FBXO47: variants seen among roughly 807,000 people sequenced by gnomAD.
FBXO47 encodes the protein F-box protein 47, also known as F-box only protein 47.
In FBXO47, 34 loss-of-function variants were observed where a neutral mutation model predicts 53.9. The ratio of observed to expected loss-of-function variants is 0.63; its 90% CI spans 0.48 to 0.84. The LOEUF is 0.84. FBXO47 is among the 40% of genes least tolerant of loss of function. The pLI is 0.00. For missense variants in FBXO47, 485 were observed against 541.3 expected (o/e 0.90, Z 1.03); for synonymous variants, 165 against 181.6 (o/e 0.91, Z 0.73).
chr17:38,938,645 T>G lies in FBXO47; in HGVS notation c.1171A>C (p.Lys391Gln). ...TTTGCCACATTCTGCAGGAAGTTCT[T>G]TCTTTCCACTGGAGTGCTAAAGACT... is the stretch of plus-strand genomic sequence containing the variant. The part of the protein sequence containing the change: ...CKVFSTPVER[K>Q]NFLQNVANAF... Residue 391 changes from lysine to glutamine, a missense_variant, in exon 10 of 11, where the codon AAG (lysine) becomes CAG (glutamine). By Grantham distance (53) the Lys-to-Gln change is moderately conservative (BLOSUM62 1). Coordinates refer to ENST00000378079, the MANE Select transcript of FBXO47 (RefSeq NM_001008777.3). 1 of 1,613,896 alleles carries G rather than the reference T, an allele frequency of 6.2e-7. No homozygotes were observed. The highest frequency in any genetic ancestry group is 8.5e-7 in the Non-Finnish European group (1 of 1,179,850).
intron 9 of FBXO47, among the ~76,000 whole-genome samples, chr17:38,942,365 C>A (rs148397590): frequency 1.1e-4 from 17 of 152,082 alleles, no homozygotes; most frequent in Non-Finnish European, 2.1e-4. Context: ...GAGGCCAAGG[C>A]GGGCAGATCA....
At chr17:38,959,509 G>A (rs1905713760) in intron 3 of FBXO47, among the ~76,000 whole-genome samples, 1 of 149,922 alleles carries the variant, frequency 6.7e-6, no homozygotes, top group Non-Finnish European at 1.5e-5. Context: ...GAACCCAGGA[G>A]GCAGAGGTTG....
At chr17:38,959,067 C>T (rs1905689927) in intron 3 of FBXO47, among the ~76,000 whole-genome samples, 1 of 151,324 alleles carries the variant, frequency 6.6e-6, no homozygotes, top group Non-Finnish European at 1.5e-5. Context: ...TGCATCCAGC[C>T]TTATTTTGGT....
In FBXO47 at chr17:38,959,525, A is replaced by T. The variant is rs551468741; in HGVS notation, c.353-2272T>A. On this transcript the variant is annotated intron_variant, in intron 3 of 10. Transcript: ENST00000378079. Reference sequence around the variant, plus strand: ...AACCCAGGAGGCAGAGGTTGCAGTGAGCCGAGGCTGTGCCATTGCACTCCA... The same window carrying T: ...AACCCAGGAGGCAGAGGTTGCAGTGTGCCGAGGCTGTGCCATTGCACTCCA... Among the ~76,000 whole-genome samples, 366 of 141,384 alleles carry T rather than the reference A, an allele frequency of 2.6e-3. 1 individual carries two copies. The highest frequency in any genetic ancestry group is 8.9e-3 in the African/African-American group (336 of 37,592). The allele number at this position is 141,384 out of a possible 152,430, so 92.8% of individuals were successfully genotyped here.
intron 3 of FBXO47, among the ~76,000 whole-genome samples, chr17:38,961,310 C>T (rs1214819745): frequency 1.3e-5 from 2 of 152,132 alleles, no homozygotes; most frequent in African/African-American, 2.4e-5. Context: ...AATTTTACTT[C>T]AGCACTCTCT....
At chr17:38,945,752 C>T (rs554164841) in intron 6 of FBXO47, among the ~76,000 whole-genome samples, 80 of 151,398 alleles carry the variant, frequency 5.3e-4, no homozygotes, top group African/African-American at 1.7e-3. Context: ...CTGGCTAACA[C>T]GGTGAAACCC....
intron 4 of FBXO47, among the ~76,000 whole-genome samples, chr17:38,955,671 G>C (rs985593890): frequency 1.3e-5 from 2 of 151,260 alleles, no homozygotes; most frequent in African/African-American, 4.9e-5. Context: ...AAAACCTTTT[G>C]CCGGTTTAGT....
At chr17:38,964,225 G>A (rs1004074726) in intron 1 of FBXO47, among the ~76,000 whole-genome samples, 1 of 152,074 alleles carries the variant, frequency 6.6e-6, no homozygotes, top group Admixed American at 6.6e-5. Context: ...TTTGGGAGGC[G>A]GAGGTGGGTG....
At chr17:38,945,705 G>A (rs966299762) in intron 6 of FBXO47, among the ~76,000 whole-genome samples, 1 of 151,818 alleles carries the variant, frequency 6.6e-6, no homozygotes, top group Non-Finnish European at 1.5e-5. Flanking sequence ...GGGAGGCTGA[G>A]GCGGGCAGAT....
intron 6 of FBXO47, among the ~76,000 whole-genome samples, chr17:38,946,935 TATATATAAACATATATAA>T (rs1442266138): frequency 3.2e-4 from 38 of 120,092 alleles, no homozygotes; most frequent in South Asian, 7.1e-4. Context: ...AACATATAAA[TATATATAAACATATATAA>T]ATATATAAAC....
chr17:38,947,029 C>T (rs186706221), intron 6 of FBXO47, among the ~76,000 whole-genome samples: 2,653 of 125,880 alleles, frequency 0.021, 125 homozygotes, highest in African/African-American at 0.072. Flanking sequence ...TAAACATATA[C>T]AAATATATGT....
At chr17:38,947,886 G>C (rs1352813698) in intron 6 of FBXO47, among the ~76,000 whole-genome samples, 1 of 152,048 alleles carries the variant, frequency 6.6e-6, no homozygotes, top group Non-Finnish European at 1.5e-5. Context: ...ACTCTAGCCT[G>C]GGCGACAGAG....
intron 6 of FBXO47, among the ~76,000 whole-genome samples, chr17:38,946,143 TATAA>T (rs1243203731): frequency 1.9e-5 from 2 of 106,434 alleles, no homozygotes; most frequent in African/African-American, 4.2e-5. Context: ...TATATAAATA[TATAA>T]ATACATAAAA....
intron 4 of FBXO47, among the ~76,000 whole-genome samples, chr17:38,956,030 G>A (rs1390826585): frequency 6.6e-6 from 1 of 150,912 alleles, no homozygotes; most frequent in East Asian, 1.9e-4. Context: ...CACCTACTCA[G>A]GAGGCTGAGG....
At chr17:38,964,831 T>A (rs1315682502) in intron 1 of FBXO47, among the ~76,000 whole-genome samples, 2 of 152,142 alleles carry the variant, frequency 1.3e-5, no homozygotes, top group African/African-American at 4.8e-5. Flanking sequence ...ATTTTTTTTT[T>A]AGACAGATTA....
chr17:38,948,068 A>G (rs1905028805), intron 6 of FBXO47, among the ~76,000 whole-genome samples: 1 of 152,052 alleles, frequency 6.6e-6, no homozygotes, highest in Non-Finnish European at 1.5e-5. Context: ...CACCACAGCC[A>G]ATTTTAGAAC....
rs1335676531 is a variant in FBXO47, at chr17:38,946,282, A to G, written c.617-1146T>C. On this transcript the variant is annotated intron_variant, in intron 6 of 10. Coordinates refer to ENST00000378079, the MANE Select transcript of FBXO47 (RefSeq NM_001008777.3). ...TATGTATAAATATATATAAAAATAT[A>G]TATAAATATATAAAAATATATATAA... Among the ~76,000 whole-genome samples the G allele has an allele frequency of 6.1e-4, 59 of 96,272 alleles. 2 individuals are homozygous for G. Among genetic ancestry groups the G allele is most frequent in the East Asian group, 2.2e-3 (7 of 3,176 alleles). The allele number at this position is 96,272 out of a possible 152,430, so 63.2% of individuals were successfully genotyped here.
chr17:38,966,444 C>A (rs1906134245), intron 1 of FBXO47, among the ~76,000 whole-genome samples: 1 of 152,198 alleles, frequency 6.6e-6, no homozygotes, highest in Non-Finnish European at 1.5e-5. Flanking sequence ...TCGTGATCCG[C>A]CTGCCCCGGC....
chr17:38,967,025 T>G (rs536477790), intron 1 of FBXO47, among the ~76,000 whole-genome samples: 2 of 151,910 alleles, frequency 1.3e-5, no homozygotes, highest in East Asian at 2.0e-4. Flanking sequence ...GATGTCTGTT[T>G]TAACATAAAA....
Sources: allele counts gnomAD v4.1 joint callset (sites outside exome capture counted in the v4.1 genomes callset), GRCh38; gene constraint gnomAD v4.1.1; transcripts MANE v1.5; gene names NCBI Gene and HGNC (gene_info 2026-07-23, HGNC 2026-07-21).